Variants in COL4A2 observed in about 807,000 individuals in gnomAD.
COL4A2 encodes collagen type IV alpha 2 chain.
In COL4A2, 99 loss-of-function variants were observed where a neutral mutation model predicts 200.2. The ratio of observed to expected loss-of-function variants is 0.49; its 90% confidence interval spans 0.42 to 0.58. The LOEUF (loss-of-function observed/expected upper bound fraction) is 0.58, where lower values mean the gene tolerates loss of function less well. COL4A2 is among the 20% of genes least tolerant of loss of function. The probability of loss-of-function intolerance (pLI) is 0.00; values close to 1 mark genes in which losing one functional copy is unlikely to be tolerated. For missense variants in COL4A2, 1,950 were observed against 2,314.1 expected, an observed-to-expected ratio of 0.84 and a Z score of 3.23; for synonymous variants, 897 against 900.6, an observed-to-expected ratio of 1.00 and a Z score of 0.07.
chr13:110,325,048 A>G (rs1029735910), intron 3 of COL4A2, among the ~76,000 whole-genome samples: 2 of 152,206 alleles, frequency 1.3e-5, no homozygotes, highest in African/African-American at 2.4e-5. Context: ...TCACATGCAC[A>G]AGGAGGATGG....
Position 110,307,612 on chromosome 13 carries a change from T to G in COL4A2, c.-45+84T>G. On this transcript the variant is annotated intron_variant, in intron 1 of 47. Transcript: ENST00000360467. This position sits in a 1 kb window ranked among gnomAD's most constrained non-coding sequence, Gnocchi z 5.0. ...CCTTGTGCAGGCTAGGGCTGCACGC[T>G]CTCCTGCTTGGGAGTAGAAAGGGGG... The G allele has an allele frequency of 1.9e-6, 1 of 524,724 alleles. No homozygotes were observed. The highest frequency in any genetic ancestry group is 3.0e-5 in the South Asian group (1 of 33,854). The allele number at this position is 524,724 out of a possible 1,614,324, so 32.5% of individuals were successfully genotyped here.
At chr13:110,353,305 G>T (rs1308322753) in intron 3 of COL4A2, among the ~76,000 whole-genome samples, 1 of 152,180 alleles carries the variant, frequency 6.6e-6, no homozygotes, top group Non-Finnish European at 1.5e-5. Context: ...GAGGCTGCAG[G>T]GTGGGAGGAA....
At chr13:110,476,205 G>A (rs1052571444) in intron 29 of COL4A2, among the ~76,000 whole-genome samples, 4 of 131,016 alleles carry the variant, frequency 3.1e-5, no homozygotes, top group Non-Finnish European at 6.9e-5. Context: ...GAGCAGGAGT[G>A]GGGTGGACCT....
intron 4 of COL4A2, among the ~76,000 whole-genome samples, chr13:110,364,579 A>C (rs1369464697): frequency 6.6e-6 from 1 of 152,220 alleles, no homozygotes; most frequent in Non-Finnish European, 1.5e-5. Flanking sequence ...GCTGGAAAGA[A>C]AGAGCCACAT....
At chr13:110,468,728 C>T (rs369144825) in intron 27 of COL4A2, among the ~76,000 whole-genome samples, 11 of 152,188 alleles carry the variant, frequency 7.2e-5, no homozygotes, top group African/African-American at 2.4e-4. Flanking sequence ...TGTGACATGG[C>T]TGAGGAACCT....
chr13:110,472,900 G>A (rs1337599717), intron 28 of COL4A2, 29 bp from the exon 29 acceptor site: 4 of 1,543,964 alleles, frequency 2.6e-6, no homozygotes, highest in Non-Finnish European at 8.8e-7. Flanking sequence ...CTAACTTGTG[G>A]TTTGGGGCCC....
chr13:110,424,542 T>C (rs1880389054), intron 4 of COL4A2, among the ~76,000 whole-genome samples, 192 bp from the exon 5 acceptor site: 1 of 150,958 alleles, frequency 6.6e-6, no homozygotes, highest in African/African-American at 2.4e-5. Flanking sequence ...CATTCCATAT[T>C]TTCTCTTCTT....
chr13:110,316,687 C>G (rs1049255270), intron 3 of COL4A2, among the ~76,000 whole-genome samples: 3 of 152,168 alleles, frequency 2.0e-5, no homozygotes, highest in South Asian at 2.1e-4. Context: ...GCAAACTGCT[C>G]TAAGCCACGG....
intron 40 of COL4A2, among the ~76,000 whole-genome samples, chr13:110,498,840 C>T (rs1281536509): frequency 6.6e-6 from 1 of 152,224 alleles, no homozygotes; most frequent in East Asian, 1.9e-4. Flanking sequence ...CCTCCTGTGG[C>T]CCTCCTTGCA....
chr13:110,401,344 A>AAAC (rs1879363237), intron 4 of COL4A2, among the ~76,000 whole-genome samples: 1 of 152,230 alleles, frequency 6.6e-6, no homozygotes, highest in South Asian at 2.1e-4. Context: ...AATGAAGAAG[A>AAAC]GTAGTTAAAA....
chr13:110,343,559 G>A, intron 3 of COL4A2, among the ~76,000 whole-genome samples: 1 of 152,228 alleles, frequency 6.6e-6, no homozygotes, highest in East Asian at 1.9e-4. Flanking sequence ...CCAGCAGGTA[G>A]GTAAAGTGGC....
rs545755876 is a variant in COL4A2 at position 110,493,372 on chromosome 13, T to C, written c.3634+90T>C. Reference sequence around the variant, plus strand: ...AGTCTGCCCTCCAGACTTCAGGGAATGGAGGGTCTCAGAGAGCAGGGTGGG... The same window carrying C: ...AGTCTGCCCTCCAGACTTCAGGGAACGGAGGGTCTCAGAGAGCAGGGTGGG... On this transcript the variant is annotated intron_variant, in intron 39 of 47. Transcript: ENST00000360467. 1.0e-5 allele frequency: 14 copies of C among 1,404,720 alleles called. No individual in the cohort carries two copies. The African/African-American group carries it at 1.7e-4, about 17-fold the overall frequency. 87.0% of individuals were successfully genotyped at this position (1,404,720 alleles called of 1,614,324 possible). A position where few individuals can be genotyped will look rare whatever the true frequency, so the allele number is the denominator to read the frequency against.
At chr13:110,501,840 T>C (rs1413451097) in intron 41 of COL4A2, 56 bp downstream of exon 41, 2 of 1,526,684 alleles carry the variant, frequency 1.3e-6, no homozygotes, top group Non-Finnish European at 1.8e-6. Flanking sequence ...GAGCTGGCAA[T>C]GGCCCGCTTA....
chr13:110,494,262 T>A (rs898921587), intron 39 of COL4A2, among the ~76,000 whole-genome samples: 7 of 152,154 alleles, frequency 4.6e-5, no homozygotes, highest in Non-Finnish European at 1.0e-4. Context: ...AAAAGGATCA[T>A]CAGACTTTCC....
Position 110,473,140 on chromosome 13 carries a change from T to A in COL4A2, c.2415T>A (p.Pro805=). ...LKGLPGDRGP[P]GFRGSQGMPG... is the part of the protein sequence containing the mutation. ...GCCTTCCCGGAGACAGAGGCCCCCC[T>A]GGATTCAGAGGTGAGTGCCCCATCG... The change falls in exon 29 of 48, where the codon CCT becomes CCA. Residue 805 remains proline, a synonymous_variant. Coordinates refer to ENST00000360467, the MANE Select transcript of COL4A2 (RefSeq NM_001846.4). The A allele has an allele frequency of 6.4e-7, 1 of 1,555,838 alleles. No homozygotes were observed. Among genetic ancestry groups the A allele is most frequent in the Non-Finnish European group, 8.7e-7 (1 of 1,149,936 alleles).
At chr13:110,409,781 G>T (rs1047624989) in intron 4 of COL4A2, among the ~76,000 whole-genome samples, 4 of 152,168 alleles carry the variant, frequency 2.6e-5, no homozygotes, top group African/African-American at 9.7e-5. Context: ...GTGGTTTGTT[G>T]TTCTTTTTTT....
chr13:110,326,462 T>C (rs1421539794), intron 3 of COL4A2, among the ~76,000 whole-genome samples: 3 of 152,134 alleles, frequency 2.0e-5, no homozygotes, highest in Non-Finnish European at 4.4e-5. Context: ...TCACGGCGTC[T>C]TGGCAAGTAC....
At chr13:110,430,495 A>G in intron 9 of COL4A2, 50 bp from the exon 10 acceptor site, 2 of 1,614,162 alleles carry the variant, frequency 1.2e-6, no homozygotes, top group Admixed American at 3.3e-5. Flanking sequence ...TCAGAACTCC[A>G]AGTACCAGTT....
intron 3 of COL4A2, among the ~76,000 whole-genome samples, chr13:110,327,492 A>G (rs1454039885): frequency 2.6e-5 from 4 of 152,218 alleles, no homozygotes; most frequent in Non-Finnish European, 5.9e-5. Flanking sequence ...TGCATTTTAC[A>G]TTTGACTCTT....
Sources: gnomAD v4.1 joint callset for allele counts (sites outside exome capture counted in the v4.1 genomes callset) on GRCh38, gnomAD v4.1.1 for gene constraint, Gnocchi (gnomAD v3.1) non-coding constraint, MANE v1.5 for transcripts, NCBI Gene and HGNC (gene_info 2026-07-23, HGNC 2026-07-21) for gene names.